NCALD: variants seen among roughly 807,000 people sequenced by gnomAD.
NCALD encodes neurocalcin delta, also known as neurocalcin-delta.
NCALD carries 10 observed loss-of-function variants against 18.6 expected under a neutral mutation model. The ratio of observed to expected loss-of-function variants is 0.54; its 90% CI spans 0.33 to 0.91. The LOEUF (loss-of-function observed/expected upper bound fraction) is 0.91. Among genes scored for constraint, NCALD ranks in the 40% least tolerant of loss-of-function variants. The pLI is 0.03. For missense variants in NCALD, 184 were observed against 247.6 expected (o/e 0.74, Z 1.72); for synonymous variants, 88 against 87.4 (o/e 1.01, Z -0.04).
chr8:101,924,995 G>A (rs1818288062), intron 2 of NCALD, among the ~76,000 whole-genome samples: 1 of 152,086 alleles, frequency 6.6e-6, no homozygotes, highest in Non-Finnish European at 1.5e-5. Flanking sequence ...CTTCAGTTGT[G>A]AGGGATGAAT....
rs751421851 is a variant in NCALD at position 101,719,519 on chromosome 8, G to A, written c.111C>T (p.Asp37=). 1 of 1,614,218 alleles carries A rather than the reference G, an allele frequency of 6.2e-7. No individual in the cohort carries two copies. Among genetic ancestry groups the A allele is most frequent in the South Asian group, 1.1e-5 (1 of 91,090 alleles). ...CCATTGACAAATGTCCACTGGGGCA[G>A]TCTCTCAAGAAGCCTTTATACCATT... ...IQEWYKGFLR[D]CPSGHLSMEE... The change falls in exon 2 of 4, where the codon GAC becomes GAT. Residue 37 remains aspartate (D), a synonymous_variant. Transcript: ENST00000220931.
At chr8:101,787,620 A>G (rs1393079808) in intron 1 of NCALD, among the ~76,000 whole-genome samples, 2 of 152,168 alleles carry the variant, frequency 1.3e-5, no homozygotes, top group Non-Finnish European at 2.9e-5. Context: ...GAATGAGACA[A>G]CTACTTACAT....
At chr8:101,984,683 C>T (rs1003212020) in intron 2 of NCALD, among the ~76,000 whole-genome samples, 3 of 152,186 alleles carry the variant, frequency 2.0e-5, no homozygotes, top group East Asian at 3.9e-4. Context: ...ACCTTAGCCA[C>T]GCAGAACCCA....
At chr8:101,746,800 T>C (rs1810442646) in intron 1 of NCALD, among the ~76,000 whole-genome samples, 1 of 152,042 alleles carries the variant, frequency 6.6e-6, no homozygotes, top group Non-Finnish European at 1.5e-5. Context: ...CTTTGAATAG[T>C]AATAATGATG....
At chr8:101,730,846 T>A (rs1266120003) in intron 1 of NCALD, among the ~76,000 whole-genome samples, 1 of 152,216 alleles carries the variant, frequency 6.6e-6, no homozygotes, top group Non-Finnish European at 1.5e-5. Context: ...TTCTTGTACA[T>A]CTATTGCCAC....
chr8:101,902,800 T>C (rs1257801060), intron 3 of NCALD, among the ~76,000 whole-genome samples: 1 of 152,204 alleles, frequency 6.6e-6, no homozygotes, highest in East Asian at 1.9e-4. Flanking sequence ...CTGACCCATT[T>C]TTGCTTGCAT....
At chr8:102,035,130 G>T (rs13275348) in intron 1 of NCALD, among the ~76,000 whole-genome samples, 1 of 152,100 alleles carries the variant, frequency 6.6e-6, no homozygotes, top group African/African-American at 2.4e-5. Context: ...TCTAGTGCAA[G>T]GTCTCGCCCA....
intron 1 of NCALD, among the ~76,000 whole-genome samples, chr8:101,751,726 A>G (rs532400901): frequency 6.6e-6 from 1 of 152,306 alleles, no homozygotes; most frequent in East Asian, 1.9e-4. Context: ...GGCAAAGAGC[A>G]CTTACTAAGT....
intron 1 of NCALD, chr8:102,069,980 G>A (rs1298094867): frequency 6.6e-6 from 1 of 152,078 alleles, no homozygotes; most frequent in Non-Finnish European, 1.5e-5. Flanking sequence ...CAGATGTGGT[G>A]GCACTTGCCT....
chr8:101,790,691 C>A (rs1812410186), intron 1 of NCALD, among the ~76,000 whole-genome samples, 171 bp downstream of exon 1: 1 of 152,168 alleles, frequency 6.6e-6, no homozygotes, highest in Non-Finnish European at 1.5e-5. Flanking sequence ...CCAAATTTAA[C>A]CAAATTCCAG....
intron 4 of NCALD, among the ~76,000 whole-genome samples, chr8:101,885,929 G>A (rs999058154): frequency 4.6e-5 from 7 of 152,134 alleles, no homozygotes; most frequent in Non-Finnish European, 7.4e-5. Context: ...GCCATGTCTC[G>A]GGTTGTGATA....
chr8:102,040,670 G>C (rs1261446379), intron 1 of NCALD, among the ~76,000 whole-genome samples: 1 of 148,538 alleles, frequency 6.7e-6, no homozygotes, highest in African/African-American at 2.5e-5. Context: ...AAAGGATCCT[G>C]GGATGAGCAG....
intron 1 of NCALD, among the ~76,000 whole-genome samples, chr8:101,766,290 A>T (rs1275924800): frequency 6.6e-6 from 1 of 152,204 alleles, no homozygotes; most frequent in Non-Finnish European, 1.5e-5. Flanking sequence ...CTTCATTTAT[A>T]ATCTTTAACA....
chr8:101,833,087 C>T (rs980779245), intron 4 of NCALD, among the ~76,000 whole-genome samples: 1 of 152,200 alleles, frequency 6.6e-6, no homozygotes, highest in African/African-American at 2.4e-5. Flanking sequence ...AGGTGTCGCC[C>T]TTCTTCCTGA....
chr8:101,774,747 G>A (rs931640959), intron 1 of NCALD, among the ~76,000 whole-genome samples: 2 of 152,110 alleles, frequency 1.3e-5, no homozygotes, highest in Non-Finnish European at 2.9e-5. Flanking sequence ...TGGGCTCTCC[G>A]CTTCCACATT....
intron 4 of NCALD, among the ~76,000 whole-genome samples, chr8:101,855,954 T>C (rs1815301779): frequency 1.3e-5 from 2 of 152,162 alleles, no homozygotes; most frequent in African/African-American, 4.8e-5. Context: ...AATATAGATA[T>C]CCTCATGAAC....
At chr8:101,726,144 T>C (rs76880796) in intron 1 of NCALD, among the ~76,000 whole-genome samples, 2,412 of 152,104 alleles carry the variant, frequency 0.016, 57 homozygotes, top group African/African-American at 0.055. Flanking sequence ...GGGGAGGAGA[T>C]GACATCAGCA....
At chr8:101,975,011 T>C (rs567988191) in intron 2 of NCALD, among the ~76,000 whole-genome samples, 264 of 152,310 alleles carry the variant, frequency 1.7e-3, no homozygotes, top group Non-Finnish European at 2.9e-3. Context: ...TTAGGTCATC[T>C]CAACCAGAGG....
At chr8:101,832,526 G>A (rs180755368) in intron 4 of NCALD, among the ~76,000 whole-genome samples, 3 of 152,300 alleles carry the variant, frequency 2.0e-5, no homozygotes, top group Admixed American at 2.0e-4. Context: ...TAGAATCTAT[G>A]CATGGCTGAC....
Sources: gnomAD v4.1 joint callset for allele counts (sites outside exome capture counted in the v4.1 genomes callset) on GRCh38, gnomAD v4.1.1 for gene constraint, MANE v1.5 for transcripts, NCBI Gene and HGNC (gene_info 2026-07-23, HGNC 2026-07-21) for gene names.